Variants in PTPRN2 observed in about 807,000 individuals in gnomAD.
PTPRN2 encodes receptor-type tyrosine-protein phosphatase N2.
PTPRN2 carries 74 observed loss-of-function variants against 118.8 expected under a neutral mutation model. The observed-to-expected ratio is 0.62, with a 90% CI of 0.52 to 0.76. The LOEUF (loss-of-function observed/expected upper bound fraction) is 0.76, where lower values mean the gene tolerates loss of function less well. Ranked by LOEUF, PTPRN2 falls within the 30% of genes least tolerant of loss-of-function variation. The pLI, the probability that PTPRN2 is intolerant of heterozygous loss-of-function variation, is 0.00. For synonymous variants in PTPRN2, 641 were observed against 608.0 expected (o/e 1.05, Z -0.80); for missense variants, 1,481 against 1,394.4 (o/e 1.06, Z -0.99).
At chr7:157,806,891 A>G (rs1346331765) in intron 12 of PTPRN2, among the ~76,000 whole-genome samples, 1 of 152,202 alleles carries the variant, frequency 6.6e-6, no homozygotes, top group African/African-American at 2.4e-5. Flanking sequence ...CACAGCCTCT[A>G]TCCCATCAGA....
intron 12 of PTPRN2, among the ~76,000 whole-genome samples, chr7:157,839,071 C>T (rs1263455267): frequency 2.0e-5 from 3 of 152,278 alleles, no homozygotes; most frequent in Non-Finnish European, 2.9e-5. Flanking sequence ...TACTCCAGTT[C>T]CTCTCGTCTT....
intron 5 of PTPRN2, among the ~76,000 whole-genome samples, chr7:158,177,363 C>A (rs182595519): frequency 6.6e-6 from 1 of 152,124 alleles, no homozygotes; most frequent in Admixed American, 6.5e-5. Context: ...ATTTGTATAT[C>A]TTTTTATGAA....
At chr7:157,980,700 C>A (rs999403277) in intron 11 of PTPRN2, among the ~76,000 whole-genome samples, 4 of 152,172 alleles carry the variant, frequency 2.6e-5, no homozygotes, top group African/African-American at 9.7e-5. Flanking sequence ...TGCAAGTGAG[C>A]CGAGATCATG....
Position 157,826,083 on chromosome 7 carries a change from CCA to C in PTPRN2, c.1788+72588_1788+72589del, listed in dbSNP as rs139469881. Among the ~76,000 whole-genome samples, 906 of 152,274 alleles carry C rather than the reference CCA, an allele frequency of 5.9e-3. 10 individuals are homozygous for C. The highest frequency in any genetic ancestry group is 0.021 in the African/African-American group (859 of 41,544). The stretch of plus-strand genomic sequence containing the variant: ...TAGAACGGCAGCACAACCGTGATCA[CCA>C]CAGTCATCACAATGAGCGCCATTTC... On this transcript the variant is annotated intron_variant, in intron 12 of 22. Transcript: ENST00000389418.
At chr7:157,951,179 G>A (rs986650093) in intron 11 of PTPRN2, among the ~76,000 whole-genome samples, 7 of 152,232 alleles carry the variant, frequency 4.6e-5, no homozygotes, top group African/African-American at 7.2e-5. Flanking sequence ...AGGATGAAAC[G>A]CATATGAATA....
chr7:158,152,146 C>T (rs929344536), intron 6 of PTPRN2, among the ~76,000 whole-genome samples: 8 of 121,122 alleles, frequency 6.6e-5, no homozygotes, highest in African/African-American at 2.5e-4. Flanking sequence ...TGCACTCCAG[C>T]CTGGGTGAAA....
chr7:158,456,416 G>A (rs184049985), intron 2 of PTPRN2, among the ~76,000 whole-genome samples: 198 of 143,022 alleles, frequency 1.4e-3, no homozygotes, highest in Non-Finnish European at 2.3e-3. Flanking sequence ...GGACGCCATC[G>A]GCCACGGCCC....
At chr7:158,324,211 CCT>C (rs1348491166) in intron 2 of PTPRN2, among the ~76,000 whole-genome samples, 1 of 152,184 alleles carries the variant, frequency 6.6e-6, no homozygotes, top group Non-Finnish European at 1.5e-5. Flanking sequence ...GCAGGACCAC[CCT>C]CTCCCCGGTG....
chr7:157,687,340 G>A (rs748380700), intron 12 of PTPRN2, among the ~76,000 whole-genome samples: 4 of 152,164 alleles, frequency 2.6e-5, no homozygotes, highest in African/African-American at 7.2e-5. Flanking sequence ...ATGTGTTGAC[G>A]GGTAGCCAGA....
chr7:158,436,261 T>A lies in PTPRN2; in HGVS notation c.163+53474A>T, dbSNP rs182190976. Among the ~76,000 whole-genome samples, 1,285 of 152,354 alleles carry A rather than the reference T, an allele frequency of 8.4e-3. 35 individuals are homozygous for A. The highest frequency in any genetic ancestry group is 0.031 in the Admixed American group (480 of 15,304). ...TGCCTGCCTTGTTTCCTGGTTTCCA[T>A]GTGGGTTTACTTTCCTCCTGCCAGA... On this transcript the variant is annotated intron_variant, in intron 2 of 22. Coordinates refer to ENST00000389418, the MANE Select transcript of PTPRN2 (RefSeq NM_002847.5).
chr7:158,018,966 C>CAAAAAAAAAAAAAAAAAAAAAAAA (rs753498681), intron 11 of PTPRN2, among the ~76,000 whole-genome samples: 1 of 65,828 alleles, frequency 1.5e-5, no homozygotes, highest in Non-Finnish European at 3.1e-5. Flanking sequence ...GTTTCAAAAA[C>CAAAAAAAAAAAAAAAAAAAAAAAA]AAAAAAAAAA....
intron 2 of PTPRN2, among the ~76,000 whole-genome samples, chr7:158,326,830 T>C (rs1034074027): frequency 8.0e-4 from 14 of 17,470 alleles, no homozygotes; most frequent in Admixed American, 3.9e-3. Context: ...TCCTCACACA[T>C]GCTCTCACAT....
intron 2 of PTPRN2, among the ~76,000 whole-genome samples, chr7:158,402,042 G>A (rs956150226): frequency 3.3e-5 from 5 of 152,122 alleles, no homozygotes; most frequent in African/African-American, 1.2e-4. Context: ...GGGTCTGACC[G>A]GTGCCCAGCA....
intron 12 of PTPRN2, among the ~76,000 whole-genome samples, chr7:157,790,955 G>A (rs1036740678): frequency 6.6e-6 from 1 of 152,104 alleles, no homozygotes; most frequent in African/African-American, 2.4e-5. Flanking sequence ...ACGTTAAAAG[G>A]TTTAATAACT....
chr7:158,470,804 T>C (rs1819797369), intron 2 of PTPRN2, among the ~76,000 whole-genome samples: 1 of 151,760 alleles, frequency 6.6e-6, no homozygotes, highest in South Asian at 2.1e-4. Context: ...TGACCTTAGG[T>C]GTGTGTTTCC....
chr7:158,130,893 C>T (rs892338115), intron 9 of PTPRN2, among the ~76,000 whole-genome samples: 13 of 135,748 alleles, frequency 9.6e-5, no homozygotes, highest in Admixed American at 1.5e-4. Flanking sequence ...ACGCACAAAC[C>T]GATACACATC....
intron 13 of PTPRN2, among the ~76,000 whole-genome samples, chr7:157,682,274 G>A (rs1319673499): frequency 6.6e-6 from 1 of 152,130 alleles, no homozygotes; most frequent in African/African-American, 2.4e-5. Flanking sequence ...TCACTGGACC[G>A]GACAACAGCA....
At chr7:158,329,561 G>A (rs901048796) in intron 2 of PTPRN2, among the ~76,000 whole-genome samples, 2 of 152,288 alleles carry the variant, frequency 1.3e-5, no homozygotes, top group East Asian at 1.9e-4. Context: ...GAGGGGACTC[G>A]CCAGACACCA....
intron 12 of PTPRN2, among the ~76,000 whole-genome samples, chr7:157,862,166 G>A (rs747571233): frequency 6.6e-6 from 1 of 152,256 alleles, no homozygotes; most frequent in Non-Finnish European, 1.5e-5. Context: ...CAGGGACATG[G>A]CCGCATCAAG....
Sources: gnomAD v4.1 joint callset for allele counts (sites outside exome capture counted in the v4.1 genomes callset) on GRCh38, gnomAD v4.1.1 for gene constraint, MANE v1.5 for transcripts, NCBI Gene and HGNC (gene_info 2026-07-23, HGNC 2026-07-21) for gene names.